JOSD2: variants seen among roughly 807,000 people sequenced by gnomAD.
JOSD2 encodes the protein josephin-2.
JOSD2 carries 20 observed loss-of-function variants against 19.3 expected under a neutral mutation model. That is an observed-to-expected ratio of 1.04 (90% CI 0.73 to 1.51). JOSD2 has a LOEUF of 1.51. Among genes scored for constraint, JOSD2 ranks in the 40% most tolerant of loss-of-function variants. The probability of loss-of-function intolerance (pLI) is 0.00; values close to 1 mark genes in which losing one functional copy is unlikely to be tolerated. For missense variants in JOSD2, 215 were observed against 250.4 expected (o/e 0.86, Z 0.95); for synonymous variants, 118 against 123.7 (o/e 0.95, Z 0.31).
chr19:50,510,982 A>G, intron 1 of JOSD2, 135 bp downstream of exon 1: 1 of 403,086 alleles, frequency 2.5e-6, no homozygotes. Flanking sequence ...CCCCCTCCCC[A>G]GTCACTAAGC....
chr19:50,506,618 C>T (rs754528941), intron 3 of JOSD2, 46 bp from the exon 4 acceptor site: 10 of 1,452,576 alleles, frequency 6.9e-6, no homozygotes, highest in African/African-American at 5.7e-5. Context: ...CTGCTCCGCC[C>T]GCCGGTGAAA....
chr19:50,508,788 G>T (rs991428515), intron 2 of JOSD2, among the ~76,000 whole-genome samples: 1 of 151,556 alleles, frequency 6.6e-6, no homozygotes, highest in Admixed American at 6.6e-5. Context: ...TCATCTCAGG[G>T]TCTCCAGCAT....
intron 3 of JOSD2, 25 bp from the exon 4 acceptor site, chr19:50,506,597 G>A (rs1979362785): frequency 2.0e-6 from 3 of 1,477,616 alleles, no homozygotes; most frequent in South Asian, 2.7e-5. Flanking sequence ...AGGGGACACT[G>A]CCATCAGGGC....
intron 2 of JOSD2, among the ~76,000 whole-genome samples, chr19:50,508,698 C>CGTGTGTGTGTGTGTGTGTGT (rs58475114): frequency 7.1e-6 from 1 of 140,818 alleles, no homozygotes; most frequent in Non-Finnish European, 1.5e-5. Flanking sequence ...GGAAAACGCT[C>CGTGTGTGTGTGTGTGTGTGT]GTGTGTGTGT....
chr19:50,510,316 C>T lies in JOSD2; in HGVS notation c.116G>A (p.Ser39Asn). ...LNNVLQQQLF[S>N]QEAADEICKR... ...GCAGATCTCATCGGCAGCCTCCTGG[C>T]TAAAGAGCTGCTGCTGCAGAACGTT... The change falls in exon 2 of 5, where the codon AGC becomes AAC. Residue 39 changes from serine (S) to asparagine (N), a missense_variant. Physicochemically the swap from Ser to Asn is conservative, Grantham distance 46 (BLOSUM62 1). Transcript: ENST00000598418. The T allele has an allele frequency of 6.2e-7, 1 of 1,613,480 alleles. No individual in the cohort carries two copies. The highest frequency in any genetic ancestry group is 8.5e-7 in the Non-Finnish European group (1 of 1,180,006).
rs534909411 is a variant in JOSD2 at position 50,509,780 on chromosome 19, G to T, written c.146+506C>A. 1.9e-3 allele frequency among the ~76,000 whole-genome samples: 286 copies of T among 152,026 alleles called. 1 individual carries two copies. Among genetic ancestry groups the T allele is most frequent in the African/African-American group, 6.6e-3 (272 of 41,488 alleles). Reference sequence around the variant, plus strand: ...TAAAGAAAGAACCACTGGGCCGGGTGCAGTGGCTCACGCCTGTAATCCTAG... The same window carrying T: ...TAAAGAAAGAACCACTGGGCCGGGTTCAGTGGCTCACGCCTGTAATCCTAG... On this transcript the variant is annotated intron_variant, in intron 2 of 4. Coordinates refer to ENST00000598418, the MANE Select transcript of JOSD2 (RefSeq NM_001270639.2).
chr19:50,510,338 CGTT>C lies in JOSD2; in HGVS notation c.91_93del (p.Asn31del). ...TGGCTAAAGAGCTGCTGCTGCAGAACGTTGTTGAGGGCGTGGACAGCACACAGC... is the reference window on the plus strand; with the variant it reads ...TGGCTAAAGAGCTGCTGCTGCAGAACGTTGAGGGCGTGGACAGCACACAGC... On this transcript the variant is annotated inframe_deletion, in exon 2 of 5. Coordinates refer to ENST00000598418, the MANE Select transcript of JOSD2 (RefSeq NM_001270639.2). 10 of 1,613,560 alleles carry C rather than the reference CGTT, an allele frequency of 6.2e-6. No individual in the cohort carries two copies. Among genetic ancestry groups the C allele is most frequent in the Non-Finnish European group, 8.5e-6 (10 of 1,180,006 alleles).
chr19:50,510,001 G>A (rs1979654199), intron 2 of JOSD2: 5 of 290,696 alleles, frequency 1.7e-5, no homozygotes, highest in South Asian at 1.4e-4. Flanking sequence ...CGCAGTGAGC[G>A]AGATCGCGCA....
At chr19:50,509,860 C>A (rs866448522) in intron 2 of JOSD2, among the ~76,000 whole-genome samples, 1 of 151,492 alleles carries the variant, frequency 6.6e-6, no homozygotes, top group African/African-American at 2.4e-5. Flanking sequence ...GAGACCATCC[C>A]GGCTAACATG....
intron 3 of JOSD2, among the ~76,000 whole-genome samples, 190 bp from the exon 4 acceptor site, chr19:50,506,762 C>T (rs549882119): frequency 1.3e-5 from 2 of 150,780 alleles, no homozygotes; most frequent in Non-Finnish European, 3.0e-5. Context: ...CCCACCCATG[C>T]GGCCACCCAA....
At chr19:50,510,063 A>AAAAAAAAAG in intron 2 of JOSD2, 1 of 460,358 alleles carries the variant, frequency 2.2e-6, no homozygotes, top group African/African-American at 2.1e-5. Context: ...AAAAAAAAAA[A>AAAAAAAAAG]AAAAGAAAGA....
intron 2 of JOSD2, 38 bp downstream of exon 2, chr19:50,510,248 G>C: frequency 1.9e-6 from 3 of 1,612,672 alleles, no homozygotes; most frequent in African/African-American, 2.7e-5. Flanking sequence ...CTCCGCCAGA[G>C]CTCTGCTGCT....
intron 3 of JOSD2, 74 bp downstream of exon 3, chr19:50,507,500 C>G: frequency 6.6e-7 from 1 of 1,507,808 alleles, no homozygotes; most frequent in Non-Finnish European, 8.8e-7. Context: ...CCCCTCCCTG[C>G]CCCCCAACAG....
At chr19:50,510,730 G>A (rs1268837601) in intron 1 of JOSD2, among the ~76,000 whole-genome samples, 1 of 152,054 alleles carries the variant, frequency 6.6e-6, no homozygotes, top group Non-Finnish European at 1.5e-5. Flanking sequence ...TGGTCACCTA[G>A]CAACAGAGGA....
At chr19:50,511,042 C>T in intron 1 of JOSD2, 75 bp downstream of exon 1, 1 of 448,652 alleles carries the variant, frequency 2.2e-6, no homozygotes, top group Non-Finnish European at 4.5e-6. Context: ...CCTCCCCGGA[C>T]ACCAAGGAAT....
In JOSD2 at chr19:50,510,090, C is replaced by G. The variant is rs548947135; in HGVS notation, c.146+196G>C. ...AAAGAAAGAACCACTGGATTGAGGTCTGGCTGGGGCTGAGGCCACAGGGAC... is the reference window on the plus strand; with the variant it reads ...AAAGAAAGAACCACTGGATTGAGGTGTGGCTGGGGCTGAGGCCACAGGGAC... On this transcript the variant is annotated intron_variant, in intron 2 of 4. Transcript: ENST00000598418. 7.2e-4 allele frequency: 341 copies of G among 471,888 alleles called. 3 individuals are homozygous for G. The highest frequency in any genetic ancestry group is 6.7e-3 in the African/African-American group (308 of 45,726). 29.2% of individuals were successfully genotyped at this position (471,888 alleles called of 1,614,324 possible). A position where few individuals can be genotyped will look rare whatever the true frequency, so the allele number is the denominator to read the frequency against.
rs912858836 is a variant in JOSD2, at chr19:50,511,103, G to A, written c.-18+14C>T. ...AGCCACGGCGCTCGCCCTTTGCCTG[G>A]CAACGCCCCTCACCCCGCCTGCCTC... is the stretch of plus-strand genomic sequence containing the variant. On this transcript the variant is annotated intron_variant, in intron 1 of 4. Coordinates refer to ENST00000598418, the MANE Select transcript of JOSD2 (RefSeq NM_001270639.2). 4 of 452,458 alleles carry A rather than the reference G, an allele frequency of 8.8e-6. No individual in the cohort carries two copies. The highest frequency in any genetic ancestry group is 1.3e-5 in the Non-Finnish European group (3 of 225,184). 28.0% of individuals were successfully genotyped at this position (452,458 alleles called of 1,614,324 possible).
At chr19:50,506,742 A>G (rs915817291) in intron 3 of JOSD2, among the ~76,000 whole-genome samples, 170 bp from the exon 4 acceptor site, 4 of 150,722 alleles carry the variant, frequency 2.7e-5, no homozygotes, top group Non-Finnish European at 5.9e-5. Flanking sequence ...TCACCTGCCC[A>G]CTCAAACCTC....
chr19:50,510,507 C>T, intron 1 of JOSD2, 59 bp from the exon 2 acceptor site: 1 of 1,480,074 alleles, frequency 6.8e-7, no homozygotes, highest in Non-Finnish European at 9.0e-7. Flanking sequence ...GTCCAGCCTC[C>T]CAGCAGGCCT....
Sources: gnomAD v4.1 joint callset for allele counts (sites outside exome capture counted in the v4.1 genomes callset) on GRCh38, gnomAD v4.1.1 for gene constraint, MANE v1.5 for transcripts, NCBI Gene and HGNC (gene_info 2026-07-23, HGNC 2026-07-21) for gene names.